CRYBG2: variants seen among roughly 807,000 people sequenced by gnomAD.
The protein encoded by CRYBG2 is crystallin beta-gamma domain containing 2.
A neutral mutation model predicts 153.4 loss-of-function variants in CRYBG2; 106 were observed. The ratio of observed to expected loss-of-function variants is 0.69; its 90% CI spans 0.59 to 0.81. The LOEUF is 0.81. Among genes scored for constraint, CRYBG2 ranks in the 30% least tolerant of loss-of-function variants. CRYBG2 has a pLI of 0.00. For missense variants in CRYBG2, 1,996 were observed against 2,112.0 expected (o/e 0.95, Z 1.08); for synonymous variants, 851 against 877.8 (o/e 0.97, Z 0.54).
Position 26,344,631 on chromosome 1 carries a change from G to T in CRYBG2, c.2027C>A (p.Pro676His). ...GTCCTGGACCCCCTTATCCTGTTTG[G>T]GGAGTGAGGTGGCAGGAGCAATTGG... ...QGPIAPATSLPKQDKGVQDSE... is the reference protein window; with the variant it reads ...QGPIAPATSLHKQDKGVQDSE... Residue 676 changes from proline (P) to histidine (H), a missense_variant, in exon 2 of 20, where the codon CCC becomes CAC. Transcript: ENST00000308182. 1 of 1,535,954 alleles carries T rather than the reference G, an allele frequency of 6.5e-7. No individual in the cohort carries two copies. Among genetic ancestry groups the T allele is most frequent in the East Asian group, 2.4e-5 (1 of 40,916 alleles).
Position 26,338,528 on chromosome 1 carries a change from C to T in CRYBG2, c.3345-51G>A, listed in dbSNP as rs1570189854. The T allele has an allele frequency of 4.0e-6, 6 of 1,517,362 alleles. No homozygotes were observed. The African/African-American group carries it at 4.2e-5, about 11-fold the overall frequency. 94.0% of individuals were successfully genotyped at this position (1,517,362 alleles called of 1,614,324 possible). On this transcript the variant is annotated intron_variant, in intron 6 of 19. Transcript: ENST00000308182. The stretch of plus-strand genomic sequence containing the variant: ...ACCCTAGCAGAGAGACTTCAAGGGA[C>T]ACAGATTGGTGGGCGGGAGGGAAGG...
chr1:26,324,051 G>A (rs2073890775), intron 18 of CRYBG2, 101 bp downstream of exon 18: 2 of 1,311,198 alleles, frequency 1.5e-6, no homozygotes, highest in African/African-American at 1.5e-5. Context: ...CCTGGCTTCT[G>A]TGTGCATCCC....
rs1239259315 is a variant in CRYBG2, at chr1:26,339,417, G to T, written c.3217C>A (p.Pro1073Thr). 6 of 1,613,966 alleles carry T rather than the reference G, an allele frequency of 3.7e-6. No homozygotes were observed. In the East Asian group the frequency reaches 1.1e-4, roughly 30 times the overall value. ...LRRVVWDYSTPEISLFSEEGL... is the reference protein window; with the variant it reads ...LRRVVWDYSTTEISLFSEEGL... Reference sequence around the variant, plus strand: ...TCCTCAGAGAAGAGGCTGATTTCCGGGGTGCTGTAGTCCTGTGGAAGGAGG... The same window carrying T: ...TCCTCAGAGAAGAGGCTGATTTCCGTGGTGCTGTAGTCCTGTGGAAGGAGG... Residue 1073 changes from proline (P) to threonine (T), a missense_variant, in exon 6 of 20, where the codon CCG becomes ACG. Coordinates refer to ENST00000308182, the MANE Select transcript of CRYBG2 (RefSeq NM_001039775.4).
chr1:26,338,524 G>A (rs767960702), intron 6 of CRYBG2, 47 bp from the exon 7 acceptor site: 1 of 1,528,858 alleles, frequency 6.5e-7, no homozygotes, highest in African/African-American at 1.4e-5. Context: ...GAGACTTCAA[G>A]GGACACAGAT....
chr1:26,345,755 G>A lies in CRYBG2; in HGVS notation c.903C>T (p.His301=), dbSNP rs763584161. 2 of 1,597,514 alleles carry A rather than the reference G, an allele frequency of 1.3e-6. No homozygotes were observed. The highest frequency in any genetic ancestry group is 3.3e-5 in the Admixed American group (2 of 59,870). ...LASTGIPASA[H]LPKNQDAPAA... is the part of the protein sequence containing the mutation. ...CAGGGGCATCCTGATTCTTAGGCAG[G>A]TGAGCACTGGCTGGGATGCCTGTAG... Residue 301 remains histidine (H), a synonymous_variant, in exon 2 of 20, where the codon CAC becomes CAT. Coordinates refer to ENST00000308182, the MANE Select transcript of CRYBG2 (RefSeq NM_001039775.4).
chr1:26,322,328 G>A lies in CRYBG2; in HGVS notation c.4738-5C>T. On this transcript the variant is annotated splice_polypyrimidine_tract_variant and splice_region_variant and intron_variant, in intron 18 of 19. Coordinates refer to ENST00000308182, the MANE Select transcript of CRYBG2 (RefSeq NM_001039775.4). ...TAGGCTCATGGTGGGGGCCATCTGA[G>A]GCCCCAGGAGGTCATCAGGCATTGT... The A allele has an allele frequency of 6.2e-7, 1 of 1,607,568 alleles. No homozygotes were observed. Among genetic ancestry groups the A allele is most frequent in the Non-Finnish European group, 8.5e-7 (1 of 1,176,558 alleles).
chr1:26,335,983 A>C, intron 14 of CRYBG2, 112 bp downstream of exon 14: 1 of 833,412 alleles, frequency 1.2e-6, no homozygotes, highest in Non-Finnish European at 1.8e-6. Context: ...TGCGCAAGAC[A>C]GAACAGTTCA....
In CRYBG2 at chr1:26,325,395, CA is replaced by C. The variant is rs2073911324; in HGVS notation, c.4579-1086del. ...CAACATGGCAAAACCCTGTCTGTAC[CA>C]AAAATACAAAAAAATTAGCCAGGTG... On this transcript the variant is annotated intron_variant, in intron 17 of 19. Transcript: ENST00000308182. The surrounding 1 kb of genome is among the most constrained non-coding windows in gnomAD (Gnocchi z 4.1). Among the ~76,000 whole-genome samples, 1 of 151,934 alleles carries C rather than the reference CA, an allele frequency of 6.6e-6. No individual in the cohort carries two copies. Among genetic ancestry groups the C allele is most frequent in the Non-Finnish European group, 1.5e-5 (1 of 67,974 alleles).
Position 26,339,380 on chromosome 1 carries a change from C to G in CRYBG2, c.3254G>C (p.Gly1085Ala). Residue 1085 changes from glycine (G) to alanine (A), a missense_variant, in exon 6 of 20, where the codon GGG (glycine) becomes GCG (alanine). Gly to Ala is a moderately conservative substitution (Grantham distance 60). Coordinates refer to ENST00000308182, the MANE Select transcript of CRYBG2 (RefSeq NM_001039775.4). ...ISLFSEEGLK[G>A]EQVKLTEALK... ...GGCCTCTGTTAGCTTCACTTGCTCC[C>G]CCTTGAGGCCCTCCTCAGAGAAGAG... The G allele has an allele frequency of 6.2e-7, 1 of 1,614,210 alleles. No homozygotes were observed. Among genetic ancestry groups the G allele is most frequent in the Non-Finnish European group, 8.5e-7 (1 of 1,180,036 alleles).
intron 17 of CRYBG2, 130 bp from the exon 18 acceptor site, chr1:26,324,440 CTCTATT>C (rs1020456096): frequency 4.9e-6 from 5 of 1,015,874 alleles, no homozygotes; most frequent in African/African-American, 4.9e-5. Context: ...CCTTCCTTGA[CTCTATT>C]TCTAAGTCAC....
chr1:26,331,350 C>A (rs572040038), intron 15 of CRYBG2, 139 bp downstream of exon 15: 1 of 1,271,740 alleles, frequency 7.9e-7, no homozygotes, highest in Non-Finnish European at 1.1e-6. Flanking sequence ...GCTTTACAGC[C>A]CCAGAGTCAA....
chr1:26,333,177 A>G (rs528363257), intron 14 of CRYBG2, among the ~76,000 whole-genome samples: 15 of 152,172 alleles, frequency 9.9e-5, no homozygotes, highest in African/African-American at 3.6e-4. Context: ...ATAACCCTCA[A>G]TGTAATGTTA....
At chr1:26,350,947 C>G (rs1429440065) in intron 1 of CRYBG2, among the ~76,000 whole-genome samples, 1 of 152,144 alleles carries the variant, frequency 6.6e-6, no homozygotes, top group Non-Finnish European at 1.5e-5. Context: ...TGACCCTTCC[C>G]TGTGGCCACA....
intron 15 of CRYBG2, 47 bp from the exon 16 acceptor site, chr1:26,328,920 C>T: frequency 6.2e-7 from 1 of 1,607,884 alleles, no homozygotes; most frequent in Non-Finnish European, 8.5e-7. Flanking sequence ...GAGCCCAAGT[C>T]CCAGACGCAG....
chr1:26,347,325 ACT>A (rs2074236835), intron 1 of CRYBG2, among the ~76,000 whole-genome samples: 1 of 115,174 alleles, frequency 8.7e-6, no homozygotes, highest in Admixed American at 1.3e-4. Context: ...ACAGAATCTC[ACT>A]CTGTTACCCA....
Position 26,338,469 on chromosome 1 carries a change from A to T in CRYBG2, c.3353T>A (p.Leu1118Gln). The change falls in exon 7 of 20, where the codon CTG (leucine) becomes CAG (glutamine). Residue 1118 changes from leucine (L) to glutamine (Q), a missense_variant. Transcript: ENST00000308182. ...GTCTTCGAATAATGGTTTGGGGTACAGTAGCCACCTAGGGGAAACAGAGAG... is the reference window on the plus strand; with the variant it reads ...GTCTTCGAATAATGGTTTGGGGTACTGTAGCCACCTAGGGGAAACAGAGAG... ...SATVSAGLWLLYPKPLFEDTP... is the reference protein window; with the variant it reads ...SATVSAGLWLQYPKPLFEDTP... 1 of 1,607,986 alleles carries T rather than the reference A, an allele frequency of 6.2e-7. No homozygotes were observed. The highest frequency in any genetic ancestry group is 8.5e-7 in the Non-Finnish European group (1 of 1,177,404).
At chr1:26,335,954 C>A in intron 14 of CRYBG2, 141 bp downstream of exon 14, 1 of 622,310 alleles carries the variant, frequency 1.6e-6, no homozygotes, top group Non-Finnish European at 2.6e-6. Context: ...TCCATTAAAA[C>A]CTTATTTTGT....
intron 17 of CRYBG2, chr1:26,326,866 G>T: frequency 2.0e-6 from 1 of 503,742 alleles, no homozygotes; most frequent in African/African-American, 1.9e-5. Flanking sequence ...ATGTTGTGAG[G>T]TCTAAAGTTC....
chr1:26,343,398 C>T lies in CRYBG2; in HGVS notation c.2914-105G>A, dbSNP rs367620116. 3.8e-6 allele frequency: 5 copies of T among 1,330,480 alleles called. No individual in the cohort carries two copies. Among genetic ancestry groups the T allele is most frequent in the Admixed American group, 2.0e-5 (1 of 50,622 alleles). The allele number at this position is 1,330,480 out of a possible 1,614,324, so 82.4% of individuals were successfully genotyped here. A position where few individuals can be genotyped will look rare whatever the true frequency, so the allele number is the denominator to read the frequency against. ...CCCACATCCTCCCTATTAACCTCCA[C>T]CCGCAAGGAGCTGGCGCATAGAGGA... is the stretch of plus-strand genomic sequence containing the variant. On this transcript the variant is annotated intron_variant, in intron 2 of 19. Coordinates refer to ENST00000308182, the MANE Select transcript of CRYBG2 (RefSeq NM_001039775.4). The surrounding 1 kb of genome is among the most constrained non-coding windows in gnomAD (Gnocchi z 4.1).
Sources: allele counts gnomAD v4.1 joint callset (sites outside exome capture counted in the v4.1 genomes callset), GRCh38; gene constraint gnomAD v4.1.1; non-coding constraint Gnocchi (gnomAD v3.1); transcripts MANE v1.5; gene names NCBI Gene and HGNC (gene_info 2026-07-23, HGNC 2026-07-21).